The following ST6GALNAC3 variants were observed in gnomAD, a reference collection of about 807,000 sequenced individuals.
ST6GALNAC3 encodes the protein ST6 N-acetylgalactosaminide alpha-2,6-sialyltransferase 3.
Under a neutral mutation model 32.7 loss-of-function variants are expected in ST6GALNAC3, and 25 were observed. That is an observed-to-expected ratio of 0.76 (90% CI 0.56 to 1.07). The LOEUF is 1.07. Among genes scored for constraint, ST6GALNAC3 ranks in the 50% least tolerant of loss-of-function variants. ST6GALNAC3 has a pLI of 0.00. For missense variants in ST6GALNAC3, 355 were observed against 382.4 expected, an observed-to-expected ratio of 0.93 and a Z score of 0.60; for synonymous variants, 129 against 133.1, an observed-to-expected ratio of 0.97 and a Z score of 0.21.
intron 1 of ST6GALNAC3, among the ~76,000 whole-genome samples, chr1:76,082,055 C>G (rs912806400): frequency 6.6e-6 from 1 of 152,176 alleles, no homozygotes; most frequent in Non-Finnish European, 1.5e-5. Flanking sequence ...GGGTTTAGGT[C>G]TGAGGAAAAC....
At chr1:76,332,971 G>A (rs1195413240) in intron 2 of ST6GALNAC3, among the ~76,000 whole-genome samples, 1 of 151,936 alleles carries the variant, frequency 6.6e-6, no homozygotes, top group African/African-American at 2.4e-5. Context: ...GCAATTTATT[G>A]CCATCACTTT....
chr1:76,388,303 C>T (rs1405627163), intron 2 of ST6GALNAC3, among the ~76,000 whole-genome samples: 1 of 152,128 alleles, frequency 6.6e-6, no homozygotes, highest in Non-Finnish European at 1.5e-5. Flanking sequence ...TGAAACCCTA[C>T]TACTTGTTTT....
intron 1 of ST6GALNAC3, among the ~76,000 whole-genome samples, chr1:76,157,085 T>A (rs1267602732): frequency 7.0e-6 from 1 of 143,770 alleles, no homozygotes; most frequent in East Asian, 2.0e-4. Flanking sequence ...GGGCTCCAGG[T>A]GTGCTGGTGC....
At chr1:76,118,388 A>C (rs991677265) in intron 1 of ST6GALNAC3, among the ~76,000 whole-genome samples, 3 of 152,362 alleles carry the variant, frequency 2.0e-5, no homozygotes, top group East Asian at 1.9e-4. Context: ...TATCTTTGAA[A>C]CTTCAGTAAG....
intron 1 of ST6GALNAC3, among the ~76,000 whole-genome samples, chr1:76,118,119 C>T (rs1648609430): frequency 6.6e-6 from 1 of 152,198 alleles, no homozygotes; most frequent in South Asian, 2.1e-4. Context: ...AGTTATTTGT[C>T]CTAATGCTCT....
rs138648509 is a variant in ST6GALNAC3 at position 76,096,704 on chromosome 1, G to A, written c.18+21820G>A. Among the ~76,000 whole-genome samples, 3 of 151,970 alleles carry A rather than the reference G, an allele frequency of 2.0e-5. No individual in the cohort carries two copies. The East Asian group carries it at 5.8e-4, about 29-fold the overall frequency. ...ATTGATGATTGCTGCCGTTAACAAG[G>A]TGAGGACAGAACATCGTAGGTGTCC... On this transcript the variant is annotated intron_variant, in intron 1 of 4. Coordinates refer to ENST00000328299, the MANE Select transcript of ST6GALNAC3 (RefSeq NM_152996.4).
At position 76,189,375 on chromosome 1, in the gene ST6GALNAC3, T is replaced by G. The variant is rs552124969; in HGVS notation, c.18+114491T>G. Among the ~76,000 whole-genome samples the G allele has an allele frequency of 1.3e-5, 2 of 152,344 alleles. 1 individual carries two copies. Among genetic ancestry groups the G allele is most frequent in the South Asian group, 4.1e-4 (2 of 4,830 alleles). On this transcript the variant is annotated intron_variant, in intron 1 of 4. Coordinates refer to ENST00000328299, the MANE Select transcript of ST6GALNAC3 (RefSeq NM_152996.4). ...CAGGCACATAGAACCTTTCTGCCTT[T>G]TTTGGATCCACCTCTGTATGCAGTG... is the stretch of plus-strand genomic sequence containing the variant.
At chr1:76,211,364 G>T (rs559969290) in intron 1 of ST6GALNAC3, among the ~76,000 whole-genome samples, 2 of 152,302 alleles carry the variant, frequency 1.3e-5, no homozygotes, top group South Asian at 2.1e-4. Context: ...CAACCATTGT[G>T]GAAGTCAGTG....
At chr1:76,486,879 A>G (rs1318174563) in intron 3 of ST6GALNAC3, among the ~76,000 whole-genome samples, 1 of 151,864 alleles carries the variant, frequency 6.6e-6, no homozygotes, top group Non-Finnish European at 1.5e-5. Flanking sequence ...GTTCCTTTCC[A>G]TGTTTAGTGC....
intron 3 of ST6GALNAC3, among the ~76,000 whole-genome samples, chr1:76,481,359 C>T (rs1659709911): frequency 6.6e-6 from 1 of 152,168 alleles, no homozygotes; most frequent in African/African-American, 2.4e-5. Flanking sequence ...ACTTGAACCC[C>T]AGTTTCCTGA....
At chr1:76,443,459 A>C (rs1326827278) in intron 3 of ST6GALNAC3, among the ~76,000 whole-genome samples, 1 of 152,216 alleles carries the variant, frequency 6.6e-6, no homozygotes, top group Non-Finnish European at 1.5e-5. Context: ...TGAGGACGCT[A>C]TCGGTTCATT....
chr1:76,585,392 GAA>G (rs11330040), intron 3 of ST6GALNAC3, among the ~76,000 whole-genome samples: 1,750 of 144,514 alleles, frequency 0.012, 42 homozygotes, highest in African/African-American at 0.04. Flanking sequence ...TCTCAAAAAA[GAA>G]AAAAAAAAAA....
rs149194657 is a variant in ST6GALNAC3, at chr1:76,512,243, C to T, written c.623+99826C>T. Among the ~76,000 whole-genome samples, 5 of 152,202 alleles carry T rather than the reference C, an allele frequency of 3.3e-5. No homozygotes were observed. In the East Asian group the frequency reaches 9.7e-4, roughly 29 times the overall value. On this transcript the variant is annotated intron_variant, in intron 3 of 4. Coordinates refer to ENST00000328299, the MANE Select transcript of ST6GALNAC3 (RefSeq NM_152996.4). ...AGAATAAAACTATGTGAAAGAACGC[C>T]TCCATTTCTCCTTCAAACCCACACT...
Position 76,595,846 on chromosome 1 carries a change from A to G in ST6GALNAC3, c.624-31606A>G, listed in dbSNP as rs545260462. ...TCTCTTTTACCCTCCCCACCAAATA[A>G]TGGCCCACTTGACTTAGGGCAATGG... On this transcript the variant is annotated intron_variant, in intron 3 of 4. Coordinates refer to ENST00000328299, the MANE Select transcript of ST6GALNAC3 (RefSeq NM_152996.4). 3.3e-5 allele frequency among the ~76,000 whole-genome samples: 5 copies of G among 152,172 alleles called. No homozygotes were observed. The East Asian group carries it at 9.7e-4, about 29-fold the overall frequency.
intron 2 of ST6GALNAC3, among the ~76,000 whole-genome samples, chr1:76,321,707 G>A (rs548370207): frequency 7.9e-5 from 12 of 152,292 alleles, no homozygotes; most frequent in African/African-American, 2.4e-4. Flanking sequence ...TTTCTGCTTA[G>A]GTGCATATTG....
chr1:76,484,509 T>G (rs1659963593), intron 3 of ST6GALNAC3, among the ~76,000 whole-genome samples: 2 of 152,342 alleles, frequency 1.3e-5, no homozygotes, highest in African/African-American at 4.8e-5. Context: ...TCACTCATGA[T>G]TTGGCTCTCT....
At chr1:76,298,067 A>C (rs1570733784) in intron 1 of ST6GALNAC3, among the ~76,000 whole-genome samples, 1 of 152,044 alleles carries the variant, frequency 6.6e-6, no homozygotes, top group Admixed American at 6.6e-5. Flanking sequence ...ATAGGGTACA[A>C]GTTTGGGAGG....
intron 1 of ST6GALNAC3, among the ~76,000 whole-genome samples, chr1:76,280,056 A>T (rs1295640516): frequency 2.7e-5 from 4 of 149,766 alleles, no homozygotes; most frequent in Non-Finnish European, 4.4e-5. Flanking sequence ...TCGTTCTCTT[A>T]TTTGTTCTTT....
At chr1:76,162,239 A>G (rs1027825141) in intron 1 of ST6GALNAC3, among the ~76,000 whole-genome samples, 1 of 152,244 alleles carries the variant, frequency 6.6e-6, no homozygotes, top group Non-Finnish European at 1.5e-5. Flanking sequence ...AAGATAATCC[A>G]TGTAAAAGAT....
Sources: gnomAD v4.1 joint callset for allele counts (sites outside exome capture counted in the v4.1 genomes callset) on GRCh38, gnomAD v4.1.1 for gene constraint, MANE v1.5 for transcripts, NCBI Gene and HGNC (gene_info 2026-07-23, HGNC 2026-07-21) for gene names.